Variants in ACTR3C observed in about 807,000 individuals in gnomAD.
The protein encoded by ACTR3C is actin-related protein 3C.
A neutral mutation model predicts 26.3 loss-of-function variants in ACTR3C; 18 were observed. That is an observed-to-expected ratio of 0.68 (90% CI 0.47 to 1.01). The LOEUF is 1.01. Among genes scored for constraint, ACTR3C ranks in the 50% least tolerant of loss-of-function variants. The pLI is 0.00. For synonymous variants in ACTR3C, 55 were observed against 94.5 expected (o/e 0.58, Z 2.42); for missense variants, 184 against 250.7 (o/e 0.73, Z 1.80).
the ACTR3C span, among the ~76,000 whole-genome samples, chr7:150,159,990 T>C: frequency 6.6e-6 from 1 of 152,246 alleles, no homozygotes; most frequent in Non-Finnish European, 1.5e-5. Context: ...AGACGGGGTT[T>C]CACCATGTTG....
chr7:150,165,029 C>T, the ACTR3C span, among the ~76,000 whole-genome samples: 2 of 152,192 alleles, frequency 1.3e-5, no homozygotes, highest in African/African-American at 4.8e-5. Flanking sequence ...TTTCTGGTGG[C>T]TTAGGCAACG....
the ACTR3C span, among the ~76,000 whole-genome samples, chr7:150,211,487 G>C: frequency 6.6e-6 from 1 of 151,574 alleles, no homozygotes; most frequent in African/African-American, 2.4e-5. Context: ...CGCCATGTTG[G>C]CCAAGCTCAT....
chr7:150,245,527 C>A, downstream of ACTR3C: 1 of 152,342 alleles, frequency 6.6e-6, no homozygotes, highest in Non-Finnish European at 1.5e-5. Context: ...AGGGGATTTT[C>A]ATCTCTAGTC....
At chr7:150,052,067 T>C in the ACTR3C span, among the ~76,000 whole-genome samples, 1 of 152,046 alleles carries the variant, frequency 6.6e-6, no homozygotes, top group South Asian at 2.1e-4. Context: ...TAAGTTAGCA[T>C]ACTCTGAAGG....
At chr7:150,056,087 T>C in the ACTR3C span, among the ~76,000 whole-genome samples, 2,728 of 152,262 alleles carry the variant, frequency 0.018, 78 homozygotes, top group African/African-American at 0.062. Context: ...ATCTACAAAT[T>C]TAAAAAATGG....
the ACTR3C span, among the ~76,000 whole-genome samples, chr7:149,929,425 C>CAAAAAAAAAAAAAAAA: frequency 2.0e-5 from 1 of 49,128 alleles, no homozygotes; most frequent in African/African-American, 9.0e-5. Flanking sequence ...AAGATTCTGT[C>CAAAAAAAAAAAAAAAA]AAAAAAAAAA....
chr7:150,202,530 A>C, the ACTR3C span, among the ~76,000 whole-genome samples: 1 of 152,340 alleles, frequency 6.6e-6, no homozygotes, highest in South Asian at 2.1e-4. Flanking sequence ...AAAAAAACTC[A>C]TGGATTCTTT....
the ACTR3C span, among the ~76,000 whole-genome samples, chr7:150,056,817 C>A: frequency 6.9e-6 from 1 of 145,542 alleles, no homozygotes; most frequent in Non-Finnish European, 1.5e-5. Flanking sequence ...TTGATGCAGA[C>A]CCATTTCAGT....
the ACTR3C span, among the ~76,000 whole-genome samples, chr7:149,998,976 AG>A: frequency 6.7e-6 from 1 of 150,276 alleles, no homozygotes; most frequent in Non-Finnish European, 1.5e-5. Flanking sequence ...CTAGCACCCA[AG>A]GCCTCCTGCC....
the ACTR3C span, among the ~76,000 whole-genome samples, chr7:149,947,087 T>C: frequency 6.6e-6 from 1 of 151,548 alleles, no homozygotes; most frequent in Non-Finnish European, 1.5e-5. Context: ...CAATCCCGGC[T>C]TCCCCATGTC....
At chr7:150,195,978 G>A in the ACTR3C span, among the ~76,000 whole-genome samples, 2 of 152,140 alleles carry the variant, frequency 1.3e-5, no homozygotes, top group Admixed American at 6.5e-5. Context: ...TTCTCCTCTT[G>A]TGTCTTTCTT....
chr7:150,048,723 A>G, the ACTR3C span, among the ~76,000 whole-genome samples: 1 of 152,018 alleles, frequency 6.6e-6, no homozygotes, highest in African/African-American at 2.4e-5. Context: ...AACACCAGAG[A>G]CACCCCGAGG....
At chr7:150,291,243 C>T (rs1156349040) in intron 3 of ACTR3C, among the ~76,000 whole-genome samples, 1 of 152,156 alleles carries the variant, frequency 6.6e-6, no homozygotes, top group African/African-American at 2.4e-5. Context: ...CCAGCCTGAC[C>T]AATATGGAGA....
At chr7:150,117,730 C>T in the ACTR3C span, among the ~76,000 whole-genome samples, 4 of 152,252 alleles carry the variant, frequency 2.6e-5, no homozygotes, top group Non-Finnish European at 5.9e-5. Context: ...TGCTCAAGCT[C>T]TGCTAAGGGA....
chr7:150,002,045 CCAG>C, the ACTR3C span: 1 of 152,358 alleles, frequency 6.6e-6, no homozygotes, highest in African/African-American at 2.4e-5. Context: ...TAATGCTCAC[CCAG>C]CACCACCCTG....
chr7:150,106,042 A>G, the ACTR3C span, among the ~76,000 whole-genome samples: 14 of 152,084 alleles, frequency 9.2e-5, no homozygotes, highest in African/African-American at 3.4e-4. Flanking sequence ...AAACAGAAAA[A>G]TAAGCTTAAA....
At chr7:150,251,066 T>A (rs1832818148) in intron 6 of ACTR3C, among the ~76,000 whole-genome samples, 1 of 152,162 alleles carries the variant, frequency 6.6e-6, no homozygotes, top group African/African-American at 2.4e-5. Context: ...TGTACCCCAA[T>A]TCTCCCTATA....
the ACTR3C span, among the ~76,000 whole-genome samples, chr7:150,053,182 T>C: frequency 9.3e-4 from 140 of 150,438 alleles, 1 homozygote; most frequent in African/African-American, 3.3e-3. Context: ...CTGTCTTCTC[T>C]TTCTGTTTGT....
chr7:149,932,401 G>T, the ACTR3C span, among the ~76,000 whole-genome samples: 2 of 152,082 alleles, frequency 1.3e-5, no homozygotes, highest in African/African-American at 4.8e-5. Context: ...AAATTAGACT[G>T]GGGTGATGGT....
Sources: gnomAD v4.1 joint callset for allele counts (sites outside exome capture counted in the v4.1 genomes callset) on GRCh38, gnomAD v4.1.1 for gene constraint, MANE v1.5 for transcripts, NCBI Gene and HGNC (gene_info 2026-07-23, HGNC 2026-07-21) for gene names.